DISP3: variants seen among roughly 807,000 people sequenced by gnomAD.
DISP3 encodes dispatched RND transporter family member 3.
In DISP3, 101 loss-of-function variants were observed where a neutral mutation model predicts 135.3. The ratio of observed to expected loss-of-function variants is 0.75; its 90% CI spans 0.64 to 0.88. The LOEUF is 0.88. Among genes scored for constraint, DISP3 ranks in the 40% least tolerant of loss-of-function variants. DISP3 has a pLI of 0.00. For missense variants in DISP3, 1,713 were observed against 1,878.6 expected (o/e 0.91, Z 1.63); for synonymous variants, 856 against 817.0 (o/e 1.05, Z -0.81).
In DISP3 at chr1:11,535,483, G is replaced by C; in HGVS notation, c.3655G>C (p.Val1219Leu). ...LPVLLSILGI[V>L]CLVVTIMYWS... ...CCCCTGCTGTCTCCTTGCAGGCATC[G>C]TGTGCCTGGTGGTGACCATCATGTA... is the stretch of plus-strand genomic sequence containing the variant. Residue 1219 changes from valine (V) to leucine (L), a missense_variant, in exon 20 of 21, where the codon GTG becomes CTG. Val to Leu is a conservative substitution (Grantham distance 32, BLOSUM62 1). Coordinates refer to ENST00000294484, the MANE Select transcript of DISP3 (RefSeq NM_020780.2). 6.2e-7 allele frequency: 1 copy of C among 1,606,662 alleles called. No individual in the cohort carries two copies. The highest frequency in any genetic ancestry group is 1.3e-5 in the African/African-American group (1 of 74,904).
chr1:11,518,853 C>T (rs1468125945), intron 7 of DISP3, among the ~76,000 whole-genome samples: 1 of 152,112 alleles, frequency 6.6e-6, no homozygotes, highest in African/African-American at 2.4e-5. Flanking sequence ...GTGGTATTAG[C>T]CACACACACA....
chr1:11,496,903 C>G (rs112693452), intron 1 of DISP3, among the ~76,000 whole-genome samples: 39 of 152,334 alleles, frequency 2.6e-4, no homozygotes, highest in African/African-American at 8.9e-4. Flanking sequence ...CAGGACATAC[C>G]CAGGGCCACC....
rs376585871 is a variant in DISP3, at chr1:11,531,549, T to C, written c.3230-16T>C. On this transcript the variant is annotated splice_polypyrimidine_tract_variant and intron_variant, in intron 16 of 20. Coordinates refer to ENST00000294484, the MANE Select transcript of DISP3 (RefSeq NM_020780.2). The surrounding 1 kb of genome is among the most constrained non-coding windows in gnomAD (Gnocchi z 5.2). ...CCAGGGCCACCACGCACTCCCTTTC[T>C]TGCCTCTCCCCGCAGGCTACAGCAT... 127 of 1,613,112 alleles carry C rather than the reference T, an allele frequency of 7.9e-5. No individual in the cohort carries two copies. Among genetic ancestry groups the C allele is most frequent in the Admixed American group, 4.0e-4 (24 of 59,984 alleles).
chr1:11,528,780 T>C (rs1557620686), intron 13 of DISP3, among the ~76,000 whole-genome samples: 1 of 152,062 alleles, frequency 6.6e-6, no homozygotes, highest in Non-Finnish European at 1.5e-5. Context: ...TGGTCTCCGA[T>C]GGGGCTCAGT....
Position 11,523,715 on chromosome 1 carries a change from G to T in DISP3, c.2363-227G>T, listed in dbSNP as rs565426501. ...GGGAGCGTTTCAGTGTTTTTCTCTG[G>T]GCAGGCTGATGGTGCCTTTCTCTGG... On this transcript the variant is annotated intron_variant, in intron 10 of 20. Coordinates refer to ENST00000294484, the MANE Select transcript of DISP3 (RefSeq NM_020780.2). 1.4e-4 allele frequency among the ~76,000 whole-genome samples: 22 copies of T among 152,190 alleles called. 2 individuals carry two copies. The East Asian group carries it at 1.5e-3, about 11-fold the overall frequency.
At position 11,501,949 on chromosome 1, in the gene DISP3, C is replaced by T. The variant is rs768056698; in HGVS notation, c.957C>T (p.His319=). The part of the protein sequence containing the change: ...PGFREFCWKP[H]EVLKDLPLGS... Reference sequence around the variant, plus strand: ...TCCGGGAGTTCTGCTGGAAGCCCCACGAGGTGCTCAAGGATCTGCCGCTGG... The same window carrying T: ...TCCGGGAGTTCTGCTGGAAGCCCCATGAGGTGCTCAAGGATCTGCCGCTGG... Residue 319 remains histidine (H), a synonymous_variant, in exon 2 of 21, where the codon CAC becomes CAT. Coordinates refer to ENST00000294484, the MANE Select transcript of DISP3 (RefSeq NM_020780.2). This position sits in a 1 kb window ranked among gnomAD's most constrained non-coding sequence, Gnocchi z 4.9. The T allele has an allele frequency of 3.7e-6, 6 of 1,613,834 alleles. No homozygotes were observed. The South Asian group carries it at 4.4e-5, about 12-fold the overall frequency.
chr1:11,534,234 G>A, intron 17 of DISP3, 147 bp from the exon 18 acceptor site: 1 of 921,208 alleles, frequency 1.1e-6, no homozygotes, highest in South Asian at 1.6e-5. Flanking sequence ...AGCTGGTGGG[G>A]ACTCATTTTG....
rs762840476 is a variant in DISP3 at position 11,525,275 on chromosome 1, C to T, written c.2576C>T (p.Ala859Val). 1 of 1,614,008 alleles carries T rather than the reference C, an allele frequency of 6.2e-7. No homozygotes were observed. Among genetic ancestry groups the T allele is most frequent in the Admixed American group, 1.7e-5 (1 of 60,020 alleles). ...LNASLPAPWQ[A>V]VSPGDGEVPS... Reference sequence around the variant, plus strand: ...GCCAGCCTGCCTGCTCCTTGGCAGGCTGTGTCGCCTGGGGATGGAGAGGTG... The same window carrying T: ...GCCAGCCTGCCTGCTCCTTGGCAGGTTGTGTCGCCTGGGGATGGAGAGGTG... The change falls in exon 12 of 21, where the codon GCT (alanine) becomes GTT (valine). Residue 859 changes from alanine (A) to valine (V), a missense_variant. Coordinates refer to ENST00000294484, the MANE Select transcript of DISP3 (RefSeq NM_020780.2).
In DISP3 at chr1:11,486,012, G is replaced by A. The variant is rs534030068; in HGVS notation, c.-4+6640G>A. ...AGTAATCTGGGTAATTGTGCATAGGGACTCGGGCTCTGTGTTCTGATGGAT... is the reference window on the plus strand; with the variant it reads ...AGTAATCTGGGTAATTGTGCATAGGAACTCGGGCTCTGTGTTCTGATGGAT... On this transcript the variant is annotated intron_variant, in intron 1 of 20. Transcript: ENST00000294484. 2.6e-5 allele frequency among the ~76,000 whole-genome samples: 4 copies of A among 152,296 alleles called. No individual in the cohort carries two copies. The East Asian group carries it at 5.8e-4, about 22-fold the overall frequency.
At position 11,483,761 on chromosome 1, in the gene DISP3, T is replaced by C. The variant is rs1020184359; in HGVS notation, c.-4+4389T>C. On this transcript the variant is annotated intron_variant, in intron 1 of 20. Transcript: ENST00000294484. This position sits in a 1 kb window ranked among gnomAD's most constrained non-coding sequence, Gnocchi z 5.4. ...TTCTGAGCCATGGCTGGGCCGGAGCTGAGTCCCCGTGAGAGTCTGGAATGG... is the reference window on the plus strand; with the variant it reads ...TTCTGAGCCATGGCTGGGCCGGAGCCGAGTCCCCGTGAGAGTCTGGAATGG... 6.6e-6 allele frequency among the ~76,000 whole-genome samples: 1 copy of C among 152,210 alleles called. No individual in the cohort carries two copies. The highest frequency in any genetic ancestry group is 1.5e-5 in the Non-Finnish European group (1 of 68,036).
Position 11,501,992 on chromosome 1 carries a change from T to G in DISP3, c.1000T>G (p.Ser334Ala), listed in dbSNP as rs1641550455. The G allele has an allele frequency of 1.2e-6, 2 of 1,613,366 alleles. No individual in the cohort carries two copies. Among genetic ancestry groups the G allele is most frequent in the Non-Finnish European group, 1.7e-6 (2 of 1,179,844 alleles). Residue 334 changes from serine to alanine, a missense_variant, in exon 2 of 21, where the codon TCG (serine) becomes GCG (alanine). Coordinates refer to ENST00000294484, the MANE Select transcript of DISP3 (RefSeq NM_020780.2). This position sits in a 1 kb window ranked among gnomAD's most constrained non-coding sequence, Gnocchi z 4.9. ...GCCGCTGGGCTCCTACTCCTACTGC[T>G]CGCCCCCCAGCTCGCTCATGACCTA... The part of the protein sequence containing the change: ...DLPLGSYSYC[S>A]PPSSLMTYFF...
At chr1:11,502,942 T>C (rs1641593318) in intron 3 of DISP3, 45 bp downstream of exon 3, 5 of 1,495,746 alleles carry the variant, frequency 3.3e-6, no homozygotes, top group Non-Finnish European at 4.6e-6. Context: ...CCATTTTTGA[T>C]TTCCAATTGC....
intron 1 of DISP3, among the ~76,000 whole-genome samples, chr1:11,497,122 C>T (rs1053255073): frequency 4.6e-5 from 7 of 152,226 alleles, no homozygotes; most frequent in African/African-American, 1.7e-4. Flanking sequence ...CCGGAGGAAG[C>T]TATATCCCCT....
chr1:11,531,536 C>G lies in DISP3; in HGVS notation c.3230-29C>G, dbSNP rs146943830. On this transcript the variant is annotated intron_variant, in intron 16 of 20. Transcript: ENST00000294484. The surrounding 1 kb of genome is among the most constrained non-coding windows in gnomAD (Gnocchi z 5.2). ...GGGACAGGCTCTTCCAGGGCCACCA[C>G]GCACTCCCTTTCTTGCCTCTCCCCG... 4 of 1,613,018 alleles carry G rather than the reference C, an allele frequency of 2.5e-6. No homozygotes were observed. The South Asian group carries it at 3.3e-5, about 13-fold the overall frequency.
chr1:11,482,406 T>C (rs896008730), intron 1 of DISP3, among the ~76,000 whole-genome samples: 4 of 152,200 alleles, frequency 2.6e-5, no homozygotes, highest in East Asian at 3.8e-4. Flanking sequence ...ATCACCACCA[T>C]GTGGCTAAGC....
Position 11,515,378 on chromosome 1 carries a change from C to T in DISP3, c.1463C>T (p.Ser488Phe). 2 of 1,614,222 alleles carry T rather than the reference C, an allele frequency of 1.2e-6. No individual in the cohort carries two copies. Among genetic ancestry groups the T allele is most frequent in the Non-Finnish European group, 8.5e-7 (1 of 1,180,014 alleles). Residue 488 changes from serine to phenylalanine, a missense_variant, in exon 5 of 21, where the codon TCC becomes TTC. Around this residue, in one of 2 missense-constraint regions of DISP3, gnomAD observed 1,142 missense variants for 1,384.6 expected, o/e 0.82. Transcript: ENST00000294484. The part of the protein sequence containing the change: ...YILTSCSVFL[S>F]FFGIASIGLS... Reference sequence around the variant, plus strand: ...CTCTTACCCTGCCCAGTGTTCCTGTCCTTCTTTGGGATTGCCAGCATTGGT... The same window carrying T: ...CTCTTACCCTGCCCAGTGTTCCTGTTCTTCTTTGGGATTGCCAGCATTGGT...
intron 5 of DISP3, 36 bp downstream of exon 5, chr1:11,515,539 C>G (rs752360556): frequency 6.4e-7 from 1 of 1,568,444 alleles, no homozygotes; most frequent in East Asian, 2.2e-5. Flanking sequence ...GTGCGCCTCC[C>G]ACATGGGAAG....
At chr1:11,481,729 T>A (rs1016366260) in intron 1 of DISP3, 2 of 152,214 alleles carry the variant, frequency 1.3e-5, no homozygotes, top group Middle Eastern at 3.2e-3. Context: ...TCTGGAACAT[T>A]GACTCTCTAG....
intron 3 of DISP3, among the ~76,000 whole-genome samples, chr1:11,505,606 T>C (rs1309435949): frequency 6.6e-6 from 1 of 152,260 alleles, no homozygotes; most frequent in African/African-American, 2.4e-5. Context: ...TACTCTGTTA[T>C]TGGTTACCCA....
Sources: allele counts gnomAD v4.1 joint callset (sites outside exome capture counted in the v4.1 genomes callset), GRCh38; gene constraint gnomAD v4.1.1; regional missense constraint gnomAD v4.1.1; non-coding constraint Gnocchi (gnomAD v3.1); transcripts MANE v1.5; gene names NCBI Gene and HGNC (gene_info 2026-07-23, HGNC 2026-07-21).